Variants in PHLPP2 observed in about 807,000 individuals in gnomAD.
PHLPP2 encodes the protein PH domain leucine-rich repeat-containing protein phosphatase 2.
PHLPP2 carries 66 observed loss-of-function variants against 124.9 expected under a neutral mutation model. The ratio of observed to expected loss-of-function variants is 0.53; its 90% CI spans 0.43 to 0.65. The LOEUF (loss-of-function observed/expected upper bound fraction) is 0.65, where lower values mean the gene tolerates loss of function less well. PHLPP2 is among the 30% of genes least tolerant of loss of function. The pLI, the probability that PHLPP2 is intolerant of heterozygous loss-of-function variation, is 0.00. For synonymous variants in PHLPP2, 681 were observed against 624.7 expected (o/e 1.09, Z -1.34); for missense variants, 1,685 against 1,600.4 (o/e 1.05, Z -0.90).
chr16:71,714,526 A>C lies in PHLPP2; in HGVS notation c.270T>G (p.His90Gln), dbSNP rs764460182. ...TGAGACCTCACCTGACCAGGTCTCC[A>C]TGAAGCTGTAAATAAAGACTTTCTC... is the stretch of plus-strand genomic sequence containing the variant. ...EGRESLYLQL[H>Q]GDLVRRLEPT... Residue 90 changes from histidine to glutamine, a missense_variant, in exon 2 of 19, where the codon CAT becomes CAG. By Grantham distance (24) the His-to-Gln change is conservative. Transcript: ENST00000568954. 9 of 1,609,862 alleles carry C rather than the reference A, an allele frequency of 5.6e-6. No homozygotes were observed. Among genetic ancestry groups the C allele is most frequent in the Non-Finnish European group, 7.6e-6 (9 of 1,176,992 alleles).
At position 71,648,553 on chromosome 16, in the gene PHLPP2, T is replaced by C. The variant is rs1379476336; in HGVS notation, c.*337A>G. Reference sequence around the variant, plus strand: ...GGGAGGCAGAGGAGGGTGGATCACCTGAGGTCAAGAGTTCAACACCAGCCT... The same window carrying C: ...GGGAGGCAGAGGAGGGTGGATCACCCGAGGTCAAGAGTTCAACACCAGCCT... On this transcript the variant is annotated 3_prime_UTR_variant, in exon 19 of 19. Transcript: ENST00000568954. The C allele has an allele frequency of 3.8e-6, 1 of 260,638 alleles. No individual in the cohort carries two copies. Among genetic ancestry groups the C allele is most frequent in the Admixed American group, 4.9e-5 (1 of 20,370 alleles). 16.1% of individuals were successfully genotyped at this position (260,638 alleles called of 1,614,324 possible).
chr16:71,662,193 G>C (rs1027152866), intron 13 of PHLPP2, among the ~76,000 whole-genome samples: 5 of 151,856 alleles, frequency 3.3e-5, no homozygotes, highest in African/African-American at 1.2e-4. Flanking sequence ...GTACTTTGGG[G>C]GGCCAAGGTG....
chr16:71,683,409 T>C lies in PHLPP2; in HGVS notation c.735+1067A>G, dbSNP rs1240985756. ...TAGAGGTCACTGTCCCATCAATAACTGCACATTTGAAGTAATTCACCAAGG... is the reference window on the plus strand; with the variant it reads ...TAGAGGTCACTGTCCCATCAATAACCGCACATTTGAAGTAATTCACCAAGG... On this transcript the variant is annotated intron_variant, in intron 5 of 18. Transcript: ENST00000568954. Among the ~76,000 whole-genome samples, 6 of 152,348 alleles carry C rather than the reference T, an allele frequency of 3.9e-5. No individual in the cohort carries two copies. The East Asian group carries it at 1.2e-3, about 29-fold the overall frequency.
rs1194655213 is a variant in PHLPP2, at chr16:71,646,815, C to A, written c.*2075G>T. 6.6e-6 allele frequency: 1 copy of A among 152,098 alleles called. No homozygotes were observed. The highest frequency in any genetic ancestry group is 2.4e-5 in the African/African-American group (1 of 41,396). 9.4% of individuals were successfully genotyped at this position (152,098 alleles called of 1,614,324 possible). A position where few individuals can be genotyped will look rare whatever the true frequency, so the allele number is the denominator to read the frequency against. On this transcript the variant is annotated 3_prime_UTR_variant, in exon 19 of 19. Coordinates refer to ENST00000568954, the MANE Select transcript of PHLPP2 (RefSeq NM_015020.3). ...TATGTTCCCTACTTCAAATCAAAGA[C>A]CTGAGTTCTAAAATTCTCAATAGCT...
chr16:71,680,029 G>C (rs1013735450), intron 6 of PHLPP2, among the ~76,000 whole-genome samples: 1 of 151,744 alleles, frequency 6.6e-6, no homozygotes, highest in Non-Finnish European at 1.5e-5. Context: ...CTTGCAGTGA[G>C]CCGACATTGC....
intron 13 of PHLPP2, among the ~76,000 whole-genome samples, chr16:71,659,678 C>A (rs1596990760): frequency 6.6e-6 from 1 of 152,224 alleles, no homozygotes; most frequent in Non-Finnish European, 1.5e-5. Flanking sequence ...AAGTGATTCA[C>A]ACTGTTCCAT....
chr16:71,712,204 T>C (rs1313739120), intron 2 of PHLPP2, among the ~76,000 whole-genome samples: 1 of 152,238 alleles, frequency 6.6e-6, no homozygotes, highest in Non-Finnish European at 1.5e-5. Flanking sequence ...ATCATCATCA[T>C]CCTTAGCTGG....
intron 18 of PHLPP2, among the ~76,000 whole-genome samples, chr16:71,651,442 T>C (rs1245326892): frequency 6.6e-6 from 1 of 152,122 alleles, no homozygotes; most frequent in Admixed American, 6.5e-5. Flanking sequence ...CATGTGCCTA[T>C]AGTCCCAGCT....
At chr16:71,708,721 T>C (rs1006810851) in intron 2 of PHLPP2, among the ~76,000 whole-genome samples, 18 of 151,968 alleles carry the variant, frequency 1.2e-4, no homozygotes, top group African/African-American at 4.4e-4. Context: ...AGGAAGCGGA[T>C]GTTGCAGTGA....
chr16:71,692,012 G>A (rs1280961231), intron 3 of PHLPP2, among the ~76,000 whole-genome samples: 2 of 151,772 alleles, frequency 1.3e-5, no homozygotes, highest in Non-Finnish European at 2.9e-5. Flanking sequence ...AGCAGTATGA[G>A]GTGGTCCAAA....
intron 3 of PHLPP2, among the ~76,000 whole-genome samples, chr16:71,693,751 T>C (rs1294428890): frequency 6.6e-6 from 1 of 152,232 alleles, no homozygotes; most frequent in African/African-American, 2.4e-5. Context: ...CATTTCTGCT[T>C]AGTGAAACGT....
chr16:71,711,875 T>TA (rs1358297354), intron 2 of PHLPP2, among the ~76,000 whole-genome samples: 1 of 152,214 alleles, frequency 6.6e-6, no homozygotes, highest in Non-Finnish European at 1.5e-5. Flanking sequence ...GTAACAGATC[T>TA]AAAAACAATC....
At chr16:71,679,168 C>T (rs1854794618) in intron 7 of PHLPP2, among the ~76,000 whole-genome samples, 183 bp from the exon 8 acceptor site, 1 of 152,300 alleles carries the variant, frequency 6.6e-6, no homozygotes, top group East Asian at 1.9e-4. Flanking sequence ...CAAATGGTCC[C>T]TCCAACATTA....
Position 71,684,536 on chromosome 16 carries a change from G to C in PHLPP2, c.675C>G (p.Thr225=). The change falls in exon 5 of 19, where the codon ACC becomes ACG. Residue 225 remains threonine (T), a synonymous_variant. Coordinates refer to ENST00000568954, the MANE Select transcript of PHLPP2 (RefSeq NM_015020.3). The part of the protein sequence containing the change: ...AFSSAGAQAQ[T]YHVSFETLAE... The stretch of plus-strand genomic sequence containing the variant: ...CCAAAGTCTCGAAGCTGACATGATA[G>C]GTCTGAGCTTGGGCTCCTGCTGAGC... 1 of 1,613,812 alleles carries C rather than the reference G, an allele frequency of 6.2e-7. No individual in the cohort carries two copies. The highest frequency in any genetic ancestry group is 8.5e-7 in the Non-Finnish European group (1 of 1,179,890).
intron 9 of PHLPP2, among the ~76,000 whole-genome samples, chr16:71,672,575 A>T (rs2044905003): frequency 6.6e-6 from 1 of 152,256 alleles, no homozygotes; most frequent in Admixed American, 6.5e-5. Context: ...AGCAGTAGTT[A>T]AATGTTAACA....
At chr16:71,671,878 C>T (rs774368317) in intron 10 of PHLPP2, among the ~76,000 whole-genome samples, 1 of 152,064 alleles carries the variant, frequency 6.6e-6, no homozygotes, top group African/African-American at 2.4e-5. Flanking sequence ...CACGCCACTG[C>T]ACTCCAGCCT....
intron 2 of PHLPP2, among the ~76,000 whole-genome samples, chr16:71,711,497 C>G (rs1445181971): frequency 6.6e-6 from 1 of 152,112 alleles, no homozygotes; most frequent in Non-Finnish European, 1.5e-5. Flanking sequence ...AGAAGACAGA[C>G]GTAGTATAAG....
In PHLPP2 at chr16:71,664,119, T is replaced by C. The variant is rs775738478; in HGVS notation, c.1785-20A>G. On this transcript the variant is annotated intron_variant, in intron 12 of 18. Coordinates refer to ENST00000568954, the MANE Select transcript of PHLPP2 (RefSeq NM_015020.3). ...CTGAGACTGACAGAACACACACAGA[T>C]CATCACCTCCTTTAAGTTTATTTGC... 1.9e-6 allele frequency: 3 copies of C among 1,547,394 alleles called. No homozygotes were observed. In the Admixed American group the frequency reaches 5.0e-5, roughly 26 times the overall value.
chr16:71,698,703 G>A, intron 3 of PHLPP2: 2 of 418,928 alleles, frequency 4.8e-6, no homozygotes. Flanking sequence ...TGTCTGCAGA[G>A]GATTTACATG....
Sources: gnomAD v4.1 joint callset for allele counts (sites outside exome capture counted in the v4.1 genomes callset) on GRCh38, gnomAD v4.1.1 for gene constraint, MANE v1.5 for transcripts, NCBI Gene and HGNC (gene_info 2026-07-23, HGNC 2026-07-21) for gene names.